The following WASHC2C variants were observed in gnomAD, a reference collection of about 807,000 sequenced individuals.
WASHC2C encodes WASH complex subunit 2C.
Under a neutral mutation model 142.2 loss-of-function variants are expected in WASHC2C, and 73 were observed. That is an observed-to-expected ratio of 0.51 (90% CI 0.43 to 0.62). The LOEUF (loss-of-function observed/expected upper bound fraction) is 0.62, where lower values mean the gene tolerates loss of function less well. WASHC2C is among the 20% of genes least tolerant of loss of function. The probability of loss-of-function intolerance (pLI) is 0.00; values close to 1 mark genes in which losing one functional copy is unlikely to be tolerated. For synonymous variants in WASHC2C, 337 were observed against 565.5 expected (o/e 0.60, Z 5.73); for missense variants, 969 against 1,531.7 (o/e 0.63, Z 6.13).
intron 20 of WASHC2C, among the ~76,000 whole-genome samples, chr10:45,770,908 C>T (rs2573529): frequency 5.3e-5 from 8 of 151,950 alleles, no homozygotes; most frequent in African/African-American, 1.9e-4. Context: ...AAATGTGAAA[C>T]GCTGAGCACA....
rs2052888545 is a variant in WASHC2C, at chr10:45,746,763, A to G, written c.732+116A>G. 3.5e-6 allele frequency: 5 copies of G among 1,427,696 alleles called. No homozygotes were observed. In the South Asian group the frequency reaches 3.6e-5, roughly 10 times the overall value. 88.4% of individuals were successfully genotyped at this position (1,427,696 alleles called of 1,614,324 possible). A position where few individuals can be genotyped will look rare whatever the true frequency, so the allele number is the denominator to read the frequency against. ...AAGTGAGGATTTTTTCATGTATACA[A>G]TTTATTTTCCTTTAAGCATTTCATG... On this transcript the variant is annotated intron_variant, in intron 8 of 30. Transcript: ENST00000623400.
chr10:45,765,835 A>C, intron 19 of WASHC2C, 25 bp downstream of exon 19: 3 of 1,611,794 alleles, frequency 1.9e-6, no homozygotes, highest in Non-Finnish European at 2.5e-6. Flanking sequence ...CTGCTAAAAA[A>C]GAGGGGATTA....
At chr10:45,727,187 T>C, upstream of WASHC2C, 1 of 1,462,318 alleles carries the variant, frequency 6.8e-7, no homozygotes, top group Non-Finnish European at 9.0e-7. Context: ...ACGTGCGGGT[T>C]CTGTCACGTG....
chr10:45,780,519 G>A (rs1554887709), intron 23 of WASHC2C, among the ~76,000 whole-genome samples: 2 of 152,076 alleles, frequency 1.3e-5, no homozygotes, highest in Non-Finnish European at 2.9e-5. Flanking sequence ...ATGTAGGTGA[G>A]AAAATGAAAT....
rs1554869372 is a variant in WASHC2C at position 45,743,413 on chromosome 10, A to G, written c.552A>G (p.Leu184=). The part of the protein sequence containing the change: ...EPKDLYIDRP[L]PYLIGSKLFM... Reference sequence around the variant, plus strand: ...AGGATCTATACATTGATCGTCCTTTACCATATCTCATTGGGTCAAAGCTGT... The same window carrying G: ...AGGATCTATACATTGATCGTCCTTTGCCATATCTCATTGGGTCAAAGCTGT... The change falls in exon 6 of 31, where the codon TTA becomes TTG. Residue 184 remains leucine (L), a synonymous_variant. Coordinates refer to ENST00000623400, the MANE Select transcript of WASHC2C (RefSeq NM_001330074.2). The G allele has an allele frequency of 6.2e-7, 1 of 1,611,746 alleles. No individual in the cohort carries two copies. Among genetic ancestry groups the G allele is most frequent in the African/African-American group, 1.3e-5 (1 of 74,790 alleles).
chr10:45,784,273 T>TATATATATATACACACACAC (rs1564819874), intron 23 of WASHC2C, among the ~76,000 whole-genome samples: 3 of 8,036 alleles, frequency 3.7e-4, no homozygotes. Flanking sequence ...TATATATATA[T>TATATATATATACACACACAC]ATATATATAT....
At position 45,789,202 on chromosome 10, in the gene WASHC2C, C is replaced by T. The variant is rs2058254688; in HGVS notation, c.3419C>T (p.Thr1140Ile). 6.2e-7 allele frequency: 1 copy of T among 1,612,062 alleles called. No individual in the cohort carries two copies. The highest frequency in any genetic ancestry group is 1.1e-5 in the South Asian group (1 of 90,992). The change falls in exon 29 of 31, where the codon ACT becomes ATT. Residue 1140 changes from threonine to isoleucine, a missense_variant. Coordinates refer to ENST00000623400, the MANE Select transcript of WASHC2C (RefSeq NM_001330074.2). Reference sequence around the variant, plus strand: ...TCTGGGGACATTTTTTCCACGGGCACTGGATCTCAGTCCGTGGAGAGAACA... The same window carrying T: ...TCTGGGGACATTTTTTCCACGGGCATTGGATCTCAGTCCGTGGAGAGAACA... ...FDSGDIFSTG[T>I]GSQSVERTKP...
intron 11 of WASHC2C, among the ~76,000 whole-genome samples, chr10:45,751,834 T>A (rs573057936): frequency 1.8e-4 from 27 of 151,988 alleles, no homozygotes; most frequent in African/African-American, 6.5e-4. Context: ...AAAATTAGCT[T>A]GGCATGGTGG....
intron 10 of WASHC2C, among the ~76,000 whole-genome samples, 175 bp from the exon 11 acceptor site, chr10:45,751,307 C>G (rs1554874325): frequency 1.3e-5 from 2 of 148,300 alleles, no homozygotes; most frequent in African/African-American, 5.0e-5. Context: ...CAAAGAGACT[C>G]TTGAGTGCCC....
chr10:45,780,754 C>CT (rs1195938940), intron 23 of WASHC2C, among the ~76,000 whole-genome samples: 5,442 of 128,726 alleles, frequency 0.042, 121 homozygotes, highest in South Asian at 0.05. Flanking sequence ...TAGTAACTTT[C>CT]TTTTTTTTTT....
At chr10:45,763,260 T>C in intron 17 of WASHC2C, 128 bp from the exon 18 acceptor site, 1 of 593,028 alleles carries the variant, frequency 1.7e-6, no homozygotes, top group Non-Finnish European at 3.1e-6. Flanking sequence ...CTGAGCCACC[T>C]TCCCTCTCAG....
chr10:45,754,585 T>G (rs1554876357), intron 14 of WASHC2C, 40 bp downstream of exon 14: 1 of 1,510,196 alleles, frequency 6.6e-7, no homozygotes, highest in Non-Finnish European at 9.0e-7. Flanking sequence ...ACTACACAAA[T>G]ACTGTTTTTT....
At chr10:45,731,298 G>A (rs2050546637) in intron 3 of WASHC2C, among the ~76,000 whole-genome samples, 1 of 132,496 alleles carries the variant, frequency 7.5e-6, no homozygotes, top group Non-Finnish European at 1.6e-5. Flanking sequence ...TCGGCTCACT[G>A]CAACATCCGC....
At chr10:45,729,626 C>T (rs191369377) in intron 3 of WASHC2C, among the ~76,000 whole-genome samples, 6,713 of 151,120 alleles carry the variant, frequency 0.044, 129 homozygotes, top group African/African-American at 0.072. Context: ...AGTATAATTC[C>T]AGCATACAAA....
chr10:45,735,663 C>T (rs1462923218), intron 3 of WASHC2C, among the ~76,000 whole-genome samples: 7 of 152,274 alleles, frequency 4.6e-5, no homozygotes, highest in African/African-American at 1.7e-4. Context: ...ATCATGATAC[C>T]ATGAACATTC....
At chr10:45,791,806 GCTTACAGT>G (rs1178440660) in intron 30 of WASHC2C, among the ~76,000 whole-genome samples, 6 of 146,076 alleles carry the variant, frequency 4.1e-5, no homozygotes, top group East Asian at 1.9e-4. Flanking sequence ...AGTGACGGAG[GCTTACAGT>G]CTTACATCGA....
At position 45,784,285 on chromosome 10, in the gene WASHC2C, T is replaced by TACACACACACAC. The variant is rs1169022901; in HGVS notation, c.2479-279_2479-278insCACACACACACA. On this transcript the variant is annotated intron_variant, in intron 23 of 30. Coordinates refer to ENST00000623400, the MANE Select transcript of WASHC2C (RefSeq NM_001330074.2). ...ATATATATATATATATATATATATA[T>TACACACACACAC]ATATACACATATATATATATATATA... Among the ~76,000 whole-genome samples the TACACACACACAC allele has an allele frequency of 6.6e-4, 5 of 7,606 alleles. No individual in the cohort carries two copies. The Admixed American group carries it at 0.012, about 18-fold the overall frequency. 5.0% of individuals were successfully genotyped at this position (7,606 alleles called of 152,430 possible). A position where few individuals can be genotyped will look rare whatever the true frequency, so the allele number is the denominator to read the frequency against.
chr10:45,761,880 C>T (rs2261036), intron 17 of WASHC2C, among the ~76,000 whole-genome samples: 6 of 151,888 alleles, frequency 4.0e-5, no homozygotes, highest in Non-Finnish European at 5.9e-5. Flanking sequence ...GAATCCCCCA[C>T]GTGGCCTCTT....
Position 45,790,371 on chromosome 10 carries a change from A to G in WASHC2C, c.3724A>G (p.Thr1242Ala). 1.9e-6 allele frequency: 3 copies of G among 1,608,590 alleles called. No homozygotes were observed. The highest frequency in any genetic ancestry group is 2.5e-6 in the Non-Finnish European group (3 of 1,179,154). ...GCTTAACAAGGATGATATATTTGCT[A>G]CGGAAGCAATTAAACCCTCTCAGAA... is the stretch of plus-strand genomic sequence containing the variant. ...QDIFEDDIFA[T>A]EAIKPSQKTR... The change falls in exon 30 of 31, where the codon ACG becomes GCG. Residue 1242 changes from threonine (T) to alanine (A), a missense_variant. Coordinates refer to ENST00000623400, the MANE Select transcript of WASHC2C (RefSeq NM_001330074.2).
Sources: allele counts gnomAD v4.1 joint callset (sites outside exome capture counted in the v4.1 genomes callset), GRCh38; gene constraint gnomAD v4.1.1; transcripts MANE v1.5; gene names NCBI Gene and HGNC (gene_info 2026-07-23, HGNC 2026-07-21).